NLRP5: variants seen among roughly 807,000 people sequenced by gnomAD.
NLRP5 encodes the protein NACHT, LRR and PYD domains-containing protein 5.
Under a neutral mutation model 113.1 loss-of-function variants are expected in NLRP5, and 93 were observed. That is an observed-to-expected ratio of 0.82 (90% CI 0.70 to 0.98). The LOEUF is 0.98. NLRP5 is among the 50% of genes least tolerant of loss of function. The pLI is 0.00. For missense variants in NLRP5, 1,808 were observed against 1,514.3 expected (o/e 1.19, Z -3.22); for synonymous variants, 751 against 600.7 (o/e 1.25, Z -3.66).
At chr19:55,990,079 C>CTTTTCTTTTTTTTTTTTTT in the NLRP5 span, among the ~76,000 whole-genome samples, 1 of 95,958 alleles carries the variant, frequency 1.0e-5, no homozygotes, top group East Asian at 3.4e-4. Context: ...TTTCTTTTTT[C>CTTTTCTTTTTTTTTTTTTT]TTTTTTTTTT....
chr19:56,051,656 T>C (rs1983935331), intron 12 of NLRP5, among the ~76,000 whole-genome samples: 1 of 152,238 alleles, frequency 6.6e-6, no homozygotes, highest in African/African-American at 2.4e-5. Context: ...AGGATATGTC[T>C]ATTATAATAA....
intron 1 of NLRP5, among the ~76,000 whole-genome samples, chr19:56,002,709 T>C (rs1342036710): frequency 1.4e-5 from 2 of 148,004 alleles, no homozygotes; most frequent in African/African-American, 2.5e-5. Context: ...AGTGAGAACA[T>C]GCAGTGTTTG....
upstream of NLRP5, among the ~76,000 whole-genome samples, chr19:55,999,369 C>T (rs1393240224): frequency 6.6e-6 from 1 of 151,944 alleles, no homozygotes; most frequent in African/African-American, 2.4e-5. Flanking sequence ...TGCGCGCCAC[C>T]ATGCCTGGCT....
the NLRP5 span, among the ~76,000 whole-genome samples, chr19:55,994,345 G>A: frequency 6.6e-6 from 1 of 152,036 alleles, no homozygotes; most frequent in Non-Finnish European, 1.5e-5. Flanking sequence ...CATATATTCT[G>A]GGTATTAGTT....
At chr19:56,000,988 C>T (rs977168193) in intron 1 of NLRP5, among the ~76,000 whole-genome samples, 1 of 151,676 alleles carries the variant, frequency 6.6e-6, no homozygotes, top group African/African-American at 2.4e-5. Context: ...GCCTGGGTGA[C>T]AGAGTGAGAC....
At chr19:56,039,854 T>C (rs1983454409) in intron 10 of NLRP5, among the ~76,000 whole-genome samples, 1 of 151,970 alleles carries the variant, frequency 6.6e-6, no homozygotes, top group African/African-American at 2.4e-5. Flanking sequence ...GCGTAGGTTG[T>C]GGTGAGCCAA....
At chr19:56,012,364 G>A (rs1210392284) in intron 3 of NLRP5, among the ~76,000 whole-genome samples, 1 of 150,948 alleles carries the variant, frequency 6.6e-6, no homozygotes, top group Admixed American at 6.6e-5. Context: ...TGGCCAGGCT[G>A]CCTTCGAACT....
chr19:55,994,598 A>G, the NLRP5 span, among the ~76,000 whole-genome samples: 1 of 152,158 alleles, frequency 6.6e-6, no homozygotes, highest in African/African-American at 2.4e-5. Flanking sequence ...GAGTTTCACC[A>G]TGTTGGCCAG....
At chr19:56,024,539 A>ACATG (rs1982759696) in intron 6 of NLRP5, among the ~76,000 whole-genome samples, 1 of 143,592 alleles carries the variant, frequency 7.0e-6, no homozygotes, top group South Asian at 2.2e-4. Context: ...ACATATGTAT[A>ACATG]TGTATGTATA....
At chr19:56,026,723 G>A (rs563409652) in intron 6 of NLRP5, among the ~76,000 whole-genome samples, 190 bp from the exon 7 acceptor site, 12 of 151,606 alleles carry the variant, frequency 7.9e-5, no homozygotes, top group Non-Finnish European at 1.6e-4. Context: ...GGGACTACAG[G>A]TGCCAACTAC....
At chr19:56,030,714 C>CTTCTTCTTTTTTTT (rs1555767859) in intron 7 of NLRP5, among the ~76,000 whole-genome samples, 3 of 71,348 alleles carry the variant, frequency 4.2e-5, no homozygotes, top group African/African-American at 2.1e-4. Flanking sequence ...CTTTCTTCTT[C>CTTCTTCTTTTTTTT]TTTTTTTTTT....
intron 4 of NLRP5, among the ~76,000 whole-genome samples, chr19:56,018,015 T>C (rs2123290282): frequency 6.6e-6 from 1 of 152,324 alleles, no homozygotes; most frequent in Non-Finnish European, 1.5e-5. Flanking sequence ...TCTCTACCCG[T>C]AATATATGAC....
rs1349448036 is a variant in NLRP5, at chr19:56,003,830, C to T, written c.177C>T (p.Thr59=). Reference sequence around the variant, plus strand: ...AGATGGAAGGAGACAAATCGCTCACCTTTTCCAGCTACGGGCTGCAATGGT... The same window carrying T: ...AGATGGAAGGAGACAAATCGCTCACTTTTTCCAGCTACGGGCTGCAATGGT... Residue 59 remains threonine, a synonymous_variant, in exon 2 of 15, where the codon ACC becomes ACT. Transcript: ENST00000390649. 6.2e-7 allele frequency: 1 copy of T among 1,613,988 alleles called. No homozygotes were observed. The highest frequency in any genetic ancestry group is 1.1e-5 in the South Asian group (1 of 91,084).
chr19:56,028,445 G>A lies in NLRP5; in HGVS notation c.2212G>A (p.Val738Met). Residue 738 changes from valine (V) to methionine (M), a missense_variant, in exon 7 of 15, where the codon GTG becomes ATG. Coordinates refer to ENST00000390649, the MANE Select transcript of NLRP5 (RefSeq NM_153447.4). Reference sequence around the variant, plus strand: ...CTGTCCGTATTTGCGGAAAATTCGGGTGGATGTCAAAGGGATCTTCCCAAG... The same window carrying A: ...CTGTCCGTATTTGCGGAAAATTCGGATGGATGTCAAAGGGATCTTCCCAAG... 1 of 1,613,930 alleles carries A rather than the reference G, an allele frequency of 6.2e-7. No homozygotes were observed. The highest frequency in any genetic ancestry group is 1.3e-5 in the African/African-American group (1 of 75,050).
rs770466248 is a variant in NLRP5, at chr19:56,050,403, G to A, written c.2958-15G>A. The A allele has an allele frequency of 5.6e-6, 9 of 1,611,670 alleles. No individual in the cohort carries two copies. Among genetic ancestry groups the A allele is most frequent in the Non-Finnish European group, 7.6e-6 (9 of 1,179,054 alleles). The stretch of plus-strand genomic sequence containing the variant: ...TGAGCATCACGATCTTCTTTCCCAT[G>A]TGTGTGCCCCACAGGCTGAATCAGT... On this transcript the variant is annotated splice_polypyrimidine_tract_variant and intron_variant, in intron 11 of 14. Coordinates refer to ENST00000390649, the MANE Select transcript of NLRP5 (RefSeq NM_153447.4).
intron 12 of NLRP5, among the ~76,000 whole-genome samples, chr19:56,052,159 C>T (rs569345433): frequency 2.2e-4 from 34 of 151,810 alleles, no homozygotes; most frequent in African/African-American, 7.2e-4. Flanking sequence ...CAACTGCATC[C>T]GTTTTTTCTT....
intron 4 of NLRP5, among the ~76,000 whole-genome samples, chr19:56,016,302 C>T (rs896844212): frequency 7.2e-5 from 11 of 152,000 alleles, no homozygotes; most frequent in African/African-American, 2.7e-4. Flanking sequence ...TACAGGCATG[C>T]ACCACCACGC....
chr19:55,995,297 A>G (rs1164156443), upstream of NLRP5, among the ~76,000 whole-genome samples: 1 of 152,204 alleles, frequency 6.6e-6, no homozygotes, highest in South Asian at 2.1e-4. Context: ...AACATGGCAC[A>G]TGTATACCTG....
intron 3 of NLRP5, among the ~76,000 whole-genome samples, chr19:56,013,596 G>GTTTTTTTTTTATTTTTTTT: frequency 1.7e-5 from 1 of 59,288 alleles, no homozygotes; most frequent in South Asian, 6.1e-4. Flanking sequence ...GGACATTTGG[G>GTTTTTTTTTTATTTTTTTT]TTTTTTTTTT....
Sources: gnomAD v4.1 joint callset for allele counts (sites outside exome capture counted in the v4.1 genomes callset) on GRCh38, gnomAD v4.1.1 for gene constraint, MANE v1.5 for transcripts, NCBI Gene and HGNC (gene_info 2026-07-23, HGNC 2026-07-21) for gene names.